CERS3: variants seen among roughly 807,000 people sequenced by gnomAD.
CERS3 encodes the protein ceramide synthase 3.
A neutral mutation model predicts 50.3 loss-of-function variants in CERS3; 33 were observed. That is an observed-to-expected ratio of 0.66 (90% confidence interval 0.50 to 0.88). CERS3 has a LOEUF of 0.88. Among genes scored for constraint, CERS3 ranks in the 40% least tolerant of loss-of-function variants. CERS3 has a pLI of 0.00. For synonymous variants in CERS3, 176 were observed against 155.2 expected (o/e 1.13, Z -0.99); for missense variants, 470 against 460.3 (o/e 1.02, Z -0.19).
intron 3 of CERS3, among the ~76,000 whole-genome samples, chr15:100,497,097 A>G (rs2035836815): frequency 6.6e-6 from 1 of 152,216 alleles, no homozygotes; most frequent in Non-Finnish European, 1.5e-5. Context: ...AACAAGTGAT[A>G]CCTGTACATG....
intron 11 of CERS3, among the ~76,000 whole-genome samples, chr15:100,453,331 C>T (rs2034240149): frequency 6.6e-6 from 1 of 152,118 alleles, no homozygotes; most frequent in Non-Finnish European, 1.5e-5. Flanking sequence ...CCCAGGGATG[C>T]AAGGTTGGTT....
chr15:100,490,650 G>A (rs1596751839), intron 4 of CERS3, 167 bp downstream of exon 4: 1 of 561,596 alleles, frequency 1.8e-6, no homozygotes, highest in Middle Eastern at 4.6e-4. Context: ...TCACACTTGG[G>A]ATGTTCTAAA....
chr15:100,458,983 C>G (rs971692482), intron 10 of CERS3, among the ~76,000 whole-genome samples: 1 of 152,204 alleles, frequency 6.6e-6, no homozygotes, highest in Admixed American at 6.5e-5. Flanking sequence ...GTTGCAACTA[C>G]TCAATTCAGC....
chr15:100,417,492 C>T (rs1447310699), intron 11 of CERS3, among the ~76,000 whole-genome samples: 5 of 151,976 alleles, frequency 3.3e-5, no homozygotes, highest in South Asian at 2.1e-4. Context: ...AAGGCAGCAG[C>T]GAGGCTGGGG....
chr15:100,454,844 T>C (rs1303256504), intron 11 of CERS3, among the ~76,000 whole-genome samples: 1 of 152,098 alleles, frequency 6.6e-6, no homozygotes. Context: ...ATCCAGAATA[T>C]ACAGGGAACT....
At chr15:100,444,320 C>A (rs563409631) in intron 11 of CERS3, among the ~76,000 whole-genome samples, 1 of 152,130 alleles carries the variant, frequency 6.6e-6, no homozygotes, top group East Asian at 1.9e-4. Flanking sequence ...GTTGAGTCTC[C>A]CACAATTACC....
In CERS3 at chr15:100,414,578, G is replaced by C. The variant is rs547356226; in HGVS notation, c.1000-11713C>G. ...ACAGCACGGTACTGGTACCAAAACA[G>C]GCATATAGACCAACAGAACAGAACA... On this transcript the variant is annotated intron_variant, in intron 11 of 11. Coordinates refer to ENST00000679737, the MANE Select transcript of CERS3 (RefSeq NM_001378789.1). Among the ~76,000 whole-genome samples, 4 of 152,100 alleles carry C rather than the reference G, an allele frequency of 2.6e-5. 1 individual carries two copies. The highest frequency in any genetic ancestry group is 9.6e-5 in the African/African-American group (4 of 41,480).
At chr15:100,525,846 A>G (rs1022242257) in intron 1 of CERS3, among the ~76,000 whole-genome samples, 10 of 152,194 alleles carry the variant, frequency 6.6e-5, no homozygotes, top group Non-Finnish European at 7.3e-5. Context: ...AAGTCCCACT[A>G]CTTTAGAATG....
At chr15:100,428,313 G>A (rs1019535079) in intron 11 of CERS3, among the ~76,000 whole-genome samples, 5 of 152,258 alleles carry the variant, frequency 3.3e-5, no homozygotes, top group Admixed American at 1.3e-4. Flanking sequence ...GTGTTTGGCT[G>A]TTCCTGCATA....
At chr15:100,501,462 C>A (rs2035994211) in intron 3 of CERS3, among the ~76,000 whole-genome samples, 1 of 152,176 alleles carries the variant, frequency 6.6e-6, no homozygotes, top group African/African-American at 2.4e-5. Flanking sequence ...CTAAAGCACT[C>A]AGTGGGATCC....
chr15:100,423,459 T>C (rs933239367), intron 11 of CERS3, among the ~76,000 whole-genome samples: 6 of 152,160 alleles, frequency 3.9e-5, no homozygotes, highest in Non-Finnish European at 2.9e-5. Context: ...CAAAATCATG[T>C]CCTTTGGAAC....
intron 2 of CERS3, among the ~76,000 whole-genome samples, chr15:100,515,746 C>T (rs2036471201): frequency 1.3e-5 from 2 of 152,106 alleles, no homozygotes; most frequent in Admixed American, 1.3e-4. Context: ...AACTCCCCTC[C>T]CCACCTTTTG....
intron 3 of CERS3, among the ~76,000 whole-genome samples, chr15:100,499,141 A>C (rs1382099834): frequency 6.6e-6 from 1 of 152,132 alleles, no homozygotes; most frequent in Non-Finnish European, 1.5e-5. Context: ...AAGTAACAAC[A>C]ATAATAAAAA....
intron 11 of CERS3, among the ~76,000 whole-genome samples, chr15:100,409,448 A>T (rs1357989279): frequency 1.0e-5 from 1 of 99,398 alleles, no homozygotes; most frequent in East Asian, 2.5e-4. Context: ...AAAAGAGCTT[A>T]AAAAAAGTGC....
intron 11 of CERS3, among the ~76,000 whole-genome samples, chr15:100,410,183 G>GT (rs2031369702): frequency 6.6e-6 from 1 of 152,046 alleles, no homozygotes; most frequent in South Asian, 2.1e-4. Context: ...AGAAGTCTCT[G>GT]CCCCCAACGA....
At chr15:100,518,617 T>C (rs190907356) in intron 2 of CERS3, among the ~76,000 whole-genome samples, 1 of 152,354 alleles carries the variant, frequency 6.6e-6, no homozygotes, top group South Asian at 2.1e-4. Context: ...TTTACACAAT[T>C]TTCACGTCAT....
chr15:100,541,070 A>G (rs796930325), intron 1 of CERS3, among the ~76,000 whole-genome samples: 13 of 152,334 alleles, frequency 8.5e-5, no homozygotes, highest in African/African-American at 3.1e-4. Flanking sequence ...AGAAAAAGCT[A>G]GGGCATCCCT....
chr15:100,479,346 G>GA (rs2035229823), intron 7 of CERS3, 82 bp downstream of exon 7: 1 of 1,055,068 alleles, frequency 9.5e-7, no homozygotes, highest in Admixed American at 2.3e-5. Context: ...AAGAGTAGCA[G>GA]GGGACCAAGA....
At chr15:100,466,164 GT>G (rs2034707277) in intron 10 of CERS3, among the ~76,000 whole-genome samples, 1 of 152,154 alleles carries the variant, frequency 6.6e-6, no homozygotes, top group Non-Finnish European at 1.5e-5. Context: ...TAAATGTAGG[GT>G]TTTTAAAGAC....
Sources: allele counts gnomAD v4.1 joint callset (sites outside exome capture counted in the v4.1 genomes callset), GRCh38; gene constraint gnomAD v4.1.1; transcripts MANE v1.5; gene names NCBI Gene and HGNC (gene_info 2026-07-23, HGNC 2026-07-21).